Variants in HCN1 observed in about 807,000 individuals in gnomAD.
The protein encoded by HCN1 is potassium/sodium hyperpolarization-activated cyclic nucleotide-gated channel 1.
Under a neutral mutation model 78.9 loss-of-function variants are expected in HCN1, and 13 were observed. That is an observed-to-expected ratio of 0.16 (90% CI 0.11 to 0.26). HCN1 has a LOEUF of 0.26. Among genes scored for constraint, HCN1 ranks in the 10% least tolerant of loss-of-function variants. The pLI is 1.00. For missense variants in HCN1, 810 were observed against 1,154.3 expected (o/e 0.70, Z 4.32); for synonymous variants, 552 against 455.5 (o/e 1.21, Z -2.70).
intron 2 of HCN1, among the ~76,000 whole-genome samples, chr5:45,505,414 A>G (rs898499679): frequency 1.3e-5 from 2 of 151,976 alleles, no homozygotes; most frequent in African/African-American, 2.4e-5. Flanking sequence ...ATGGTTGTAG[A>G]TGTGTGGTAT....
chr5:45,337,963 G>A (rs1253491235), intron 5 of HCN1, among the ~76,000 whole-genome samples: 1 of 152,102 alleles, frequency 6.6e-6, no homozygotes, highest in Non-Finnish European at 1.5e-5. Flanking sequence ...ATAAAGTAGT[G>A]TTTTTGAAAT....
intron 6 of HCN1, among the ~76,000 whole-genome samples, chr5:45,295,826 T>C (rs1031725567): frequency 1.3e-5 from 2 of 151,976 alleles, no homozygotes; most frequent in Non-Finnish European, 2.9e-5. Context: ...AATACAAAAC[T>C]AGTATAGTAT....
intron 2 of HCN1, among the ~76,000 whole-genome samples, chr5:45,529,121 C>G (rs1363931532): frequency 6.6e-6 from 1 of 151,914 alleles, no homozygotes; most frequent in Non-Finnish European, 1.5e-5. Context: ...TTTCATTCAG[C>G]ATAAAGAAGA....
chr5:45,419,554 T>C (rs905690659), intron 3 of HCN1, among the ~76,000 whole-genome samples: 4 of 152,192 alleles, frequency 2.6e-5, no homozygotes, highest in African/African-American at 9.7e-5. Flanking sequence ...TCCCTCCAAA[T>C]CTGTTCTTCA....
intron 4 of HCN1, among the ~76,000 whole-genome samples, chr5:45,388,366 G>A (rs1184752437): frequency 6.6e-6 from 1 of 152,090 alleles, no homozygotes; most frequent in Admixed American, 6.6e-5. Flanking sequence ...AATAAACCAT[G>A]AGAAGAAGTA....
At chr5:45,338,786 T>C (rs985922674) in intron 5 of HCN1, among the ~76,000 whole-genome samples, 2 of 152,170 alleles carry the variant, frequency 1.3e-5, no homozygotes, top group East Asian at 3.9e-4. Context: ...AATTTGATGT[T>C]ATATTTCTCA....
chr5:45,686,582 A>G (rs1025374747), intron 1 of HCN1, among the ~76,000 whole-genome samples: 11 of 152,170 alleles, frequency 7.2e-5, no homozygotes, highest in African/African-American at 2.7e-4. Flanking sequence ...TGTTGAACCA[A>G]GCAAGGAACT....
At chr5:45,349,306 A>C (rs1746831780) in intron 5 of HCN1, among the ~76,000 whole-genome samples, 1 of 152,218 alleles carries the variant, frequency 6.6e-6, no homozygotes, top group African/African-American at 2.4e-5. Flanking sequence ...GCAGAAATAA[A>C]GATGTTCTTT....
At chr5:45,564,686 A>G (rs1462212881) in intron 2 of HCN1, among the ~76,000 whole-genome samples, 2 of 152,180 alleles carry the variant, frequency 1.3e-5, no homozygotes, top group Non-Finnish European at 2.9e-5. Context: ...CATTTCTATA[A>G]AGAATTATAT....
Position 45,324,828 on chromosome 5 carries a change from T to G in HCN1, c.1378-20989A>C, listed in dbSNP as rs917815101. 2.6e-5 allele frequency among the ~76,000 whole-genome samples: 4 copies of G among 151,608 alleles called. No individual in the cohort carries two copies. The Admixed American group carries it at 2.6e-4, about 10-fold the overall frequency. On this transcript the variant is annotated intron_variant, in intron 5 of 7. Transcript: ENST00000303230. Reference sequence around the variant, plus strand: ...CTCTACGCTGACTACACGAAATTTGTGAAAAAAAATTTTTTAAAGTTAAAA... The same window carrying G: ...CTCTACGCTGACTACACGAAATTTGGGAAAAAAAATTTTTTAAAGTTAAAA...
At chr5:45,422,446 C>T (rs1740248642) in intron 3 of HCN1, among the ~76,000 whole-genome samples, 1 of 152,134 alleles carries the variant, frequency 6.6e-6, no homozygotes, top group East Asian at 1.9e-4. Context: ...CCTATGATGT[C>T]ATTGGAGCCT....
chr5:45,278,840 T>A (rs1745111018), intron 6 of HCN1, among the ~76,000 whole-genome samples: 1 of 152,112 alleles, frequency 6.6e-6, no homozygotes, highest in Non-Finnish European at 1.5e-5. Context: ...TCAGGAGTCC[T>A]ATAACCAAAT....
intron 6 of HCN1, among the ~76,000 whole-genome samples, chr5:45,274,006 T>G (rs1023968477): frequency 2.6e-4 from 39 of 152,162 alleles, no homozygotes; most frequent in African/African-American, 9.4e-4. Flanking sequence ...AGGTGCAAAT[T>G]TTTTAGTATT....
chr5:45,316,814 A>G (rs1746003707), intron 5 of HCN1, among the ~76,000 whole-genome samples: 1 of 152,176 alleles, frequency 6.6e-6, no homozygotes, highest in Admixed American at 6.6e-5. Flanking sequence ...CCCATTCACA[A>G]TTGCTTCAAA....
At chr5:45,692,831 G>C (rs548040978) in intron 1 of HCN1, among the ~76,000 whole-genome samples, 357 of 152,236 alleles carry the variant, frequency 2.3e-3, no homozygotes, top group African/African-American at 8.1e-3. Flanking sequence ...TAGAAACAGT[G>C]TTAAAGTCAC....
At chr5:45,438,032 G>C (rs115057570) in intron 3 of HCN1, among the ~76,000 whole-genome samples, 172 of 152,284 alleles carry the variant, frequency 1.1e-3, no homozygotes, top group African/African-American at 4.0e-3. Flanking sequence ...AAGAACCCAA[G>C]ATAGAAGGTG....
At chr5:45,484,286 T>A (rs1190754102) in intron 2 of HCN1, among the ~76,000 whole-genome samples, 1 of 151,882 alleles carries the variant, frequency 6.6e-6, no homozygotes, top group African/African-American at 2.4e-5. Flanking sequence ...TACAAAAAAA[T>A]TAGCCAGGCG....
intron 2 of HCN1, among the ~76,000 whole-genome samples, chr5:45,505,334 C>T (rs1579937292): frequency 6.6e-6 from 1 of 152,120 alleles, no homozygotes; most frequent in African/African-American, 2.4e-5. Flanking sequence ...AGCCAGTTTT[C>T]CCAGCACCAT....
intron 3 of HCN1, among the ~76,000 whole-genome samples, chr5:45,429,053 C>G (rs1222182375): frequency 6.6e-6 from 1 of 152,106 alleles, no homozygotes; most frequent in Admixed American, 6.6e-5. Context: ...AATGCATTGT[C>G]ATTTAGCCCT....
Sources: allele counts gnomAD v4.1 joint callset (sites outside exome capture counted in the v4.1 genomes callset), GRCh38; gene constraint gnomAD v4.1.1; transcripts MANE v1.5; gene names NCBI Gene and HGNC (gene_info 2026-07-23, HGNC 2026-07-21).